APOLD1: variants seen among roughly 807,000 people sequenced by gnomAD.
APOLD1 encodes apolipoprotein L domain-containing protein 1.
Under a neutral mutation model 15.3 loss-of-function variants are expected in APOLD1, and 22 were observed. The ratio of observed to expected loss-of-function variants is 1.44; its 90% CI spans 1.03 to 2.05. The LOEUF (loss-of-function observed/expected upper bound fraction) is 2.05, where lower values mean the gene tolerates loss of function less well. Among genes scored for constraint, APOLD1 ranks in the 30% most tolerant of loss-of-function variants. The pLI is 0.00. For synonymous variants in APOLD1, 190 were observed against 167.4 expected (o/e 1.13, Z -1.04); for missense variants, 394 against 353.5 (o/e 1.11, Z -0.92).
intron 1 of APOLD1, among the ~76,000 whole-genome samples, chr12:12,761,859 A>AGAGAGAGAGAGG (rs1281526673): frequency 6.8e-6 from 1 of 146,488 alleles, no homozygotes; most frequent in Non-Finnish European, 1.5e-5. Context: ...AGAGAGAGAG[A>AGAGAGAGAGAGG]GAGTCTTGCT....
At chr12:12,756,167 T>C (rs61569122) in intron 1 of APOLD1, among the ~76,000 whole-genome samples, 5,234 of 152,318 alleles carry the variant, frequency 0.034, 289 homozygotes, top group African/African-American at 0.12. Flanking sequence ...CTCTGTTAGA[T>C]GAAAAAGCCC....
chr12:12,741,783 C>A (rs1946730766), intron 1 of APOLD1, among the ~76,000 whole-genome samples: 1 of 152,138 alleles, frequency 6.6e-6, no homozygotes, highest in Non-Finnish European at 1.5e-5. Context: ...ACATTGTTTC[C>A]TTTAATCCTG....
At chr12:12,748,589 T>C (rs904365231) in intron 1 of APOLD1, among the ~76,000 whole-genome samples, 2 of 152,226 alleles carry the variant, frequency 1.3e-5, no homozygotes, top group African/African-American at 2.4e-5. Context: ...CAAACACTTA[T>C]CATTTTTTTG....
At chr12:12,727,854 C>T (rs1288811753) in intron 1 of APOLD1, among the ~76,000 whole-genome samples, 1 of 151,736 alleles carries the variant, frequency 6.6e-6, no homozygotes, top group African/African-American at 2.4e-5. Context: ...CCTGCCTTGG[C>T]CTCCCAAAGT....
At chr12:12,762,911 T>C (rs1946912488) in intron 1 of APOLD1, among the ~76,000 whole-genome samples, 1 of 152,074 alleles carries the variant, frequency 6.6e-6, no homozygotes, top group Non-Finnish European at 1.5e-5. Context: ...TTTGGGAGGC[T>C]GAGGCAAGAG....
chr12:12,777,923 T>TGTTG (rs1565436856), intron 1 of APOLD1, among the ~76,000 whole-genome samples: 1 of 121,572 alleles, frequency 8.2e-6, no homozygotes, highest in African/African-American at 3.3e-5. Context: ...TTTTTTTTTT[T>TGTTG]TTGTTGTTGT....
At chr12:12,768,962 T>G (rs67182234) in intron 1 of APOLD1, among the ~76,000 whole-genome samples, 4,519 of 152,112 alleles carry the variant, frequency 0.03, 143 homozygotes, top group African/African-American at 0.081. Context: ...GCACCGTAGC[T>G]CATGCCTGCA....
intron 1 of APOLD1, among the ~76,000 whole-genome samples, chr12:12,746,513 A>AAATAAAT (rs1204766021): frequency 1.3e-5 from 2 of 151,504 alleles, no homozygotes; most frequent in African/African-American, 4.9e-5. Flanking sequence ...ATAAATAAAT[A>AAATAAAT]AATACATAAA....
upstream of APOLD1, among the ~76,000 whole-genome samples, chr12:12,784,572 A>G (rs572705976): frequency 8.5e-5 from 13 of 152,202 alleles, no homozygotes; most frequent in Admixed American, 4.6e-4. Flanking sequence ...AAGGTGGGGG[A>G]TTTAATCATG....
At chr12:12,773,359 A>G (rs1279122856) in intron 1 of APOLD1, among the ~76,000 whole-genome samples, 1 of 152,142 alleles carries the variant, frequency 6.6e-6, no homozygotes, top group African/African-American at 2.4e-5. Context: ...CCAGGAGTTC[A>G]AGAACCAGGG....
At chr12:12,750,941 ATT>A (rs34163043) in intron 1 of APOLD1, among the ~76,000 whole-genome samples, 136 of 142,026 alleles carry the variant, frequency 9.6e-4, no homozygotes, top group Middle Eastern at 3.7e-3. Flanking sequence ...CACCTGGCTA[ATT>A]TTTTTTTTTT....
At chr12:12,775,600 A>G (rs1001203252) in intron 1 of APOLD1, among the ~76,000 whole-genome samples, 1 of 152,248 alleles carries the variant, frequency 6.6e-6, no homozygotes, top group Admixed American at 6.5e-5. Flanking sequence ...TGCTCTAAAA[A>G]ATAGTCTAAC....
intron 1 of APOLD1, among the ~76,000 whole-genome samples, chr12:12,734,464 G>A (rs962144408): frequency 6.6e-6 from 1 of 152,230 alleles, no homozygotes; most frequent in Non-Finnish European, 1.5e-5. Context: ...GGAGACCACT[G>A]TATCGATTCT....
chr12:12,787,778 G>A lies in APOLD1; in HGVS notation c.*126G>A, dbSNP rs1947145919. On this transcript the variant is annotated 3_prime_UTR_variant, in exon 2 of 2. Coordinates refer to ENST00000356591, the MANE Select transcript of APOLD1 (RefSeq NM_030817.3). The surrounding 1 kb of genome is among the most constrained non-coding windows in gnomAD (Gnocchi z 4.9). ...CCGAAGGCAAAGGATGAGAAAAACTGTTTTTGAAGTGGGCAGGTCCCCAAA... is the reference window on the plus strand; with the variant it reads ...CCGAAGGCAAAGGATGAGAAAAACTATTTTTGAAGTGGGCAGGTCCCCAAA... The A allele has an allele frequency of 2.2e-6, 3 of 1,382,414 alleles. No individual in the cohort carries two copies. 85.6% of individuals were successfully genotyped at this position (1,382,414 alleles called of 1,614,324 possible).
At chr12:12,776,838 T>C (rs550706313) in intron 1 of APOLD1, among the ~76,000 whole-genome samples, 1 of 152,274 alleles carries the variant, frequency 6.6e-6, no homozygotes, top group Admixed American at 6.5e-5. Context: ...TAAAAACAGG[T>C]AAACTGTTTA....
rs1482825379 is a variant in APOLD1 at position 12,749,938 on chromosome 12, TATC to T, written c.96+23845_96+23847del. ...CAAGACCCTCTACTAGTAACAATAT[TATC>T]ATTATTTTTTGACTTGGAGGCCCTG... On this transcript the variant is annotated intron_variant, in intron 1 of 1. Coordinates refer to the APOLD1 transcript ENST00000326765. 5.3e-5 allele frequency among the ~76,000 whole-genome samples: 8 copies of T among 152,266 alleles called. No homozygotes were observed. In the East Asian group the frequency reaches 9.6e-4, roughly 18 times the overall value.
chr12:12,787,664 C>T lies in APOLD1; in HGVS notation c.*12C>T. 6.4e-7 allele frequency: 1 copy of T among 1,570,746 alleles called. No homozygotes were observed. The highest frequency in any genetic ancestry group is 8.6e-7 in the Non-Finnish European group (1 of 1,162,290). On this transcript the variant is annotated 3_prime_UTR_variant, in exon 2 of 2. Transcript: ENST00000356591. The surrounding 1 kb of genome is among the most constrained non-coding windows in gnomAD (Gnocchi z 4.9). ...GGCTGTTTTTCTGAGAACATCCTTT[C>T]CCCCTAATGACCGAGGCCAGCAAAT... is the stretch of plus-strand genomic sequence containing the variant.
chr12:12,776,710 G>A (rs967296699), intron 1 of APOLD1, among the ~76,000 whole-genome samples: 9 of 152,168 alleles, frequency 5.9e-5, no homozygotes, highest in Non-Finnish European at 1.2e-4. Flanking sequence ...AAGCAAGTAA[G>A]ATTAGCAAAG....
intron 1 of APOLD1, among the ~76,000 whole-genome samples, chr12:12,746,978 C>CT (rs1426538432): frequency 2.6e-5 from 4 of 152,264 alleles, no homozygotes; most frequent in South Asian, 4.1e-4. Context: ...TGATTTCATT[C>CT]TTTTTTATGG....
Sources: gnomAD v4.1 joint callset for allele counts (sites outside exome capture counted in the v4.1 genomes callset) on GRCh38, gnomAD v4.1.1 for gene constraint, Gnocchi (gnomAD v3.1) non-coding constraint, MANE v1.5 for transcripts, NCBI Gene and HGNC (gene_info 2026-07-23, HGNC 2026-07-21) for gene names.